ASH1L: variants seen among roughly 807,000 people sequenced by gnomAD.
The protein encoded by ASH1L is ASH1 like histone lysine methyltransferase, also known as histone-lysine N-methyltransferase ASH1L.
In ASH1L, 23 loss-of-function variants were observed where a neutral mutation model predicts 269.0. The ratio of observed to expected loss-of-function variants is 0.09; its 90% CI spans 0.06 to 0.12. The LOEUF (loss-of-function observed/expected upper bound fraction) is 0.12, where lower values mean the gene tolerates loss of function less well. Ranked by LOEUF, ASH1L falls within the 10% of genes least tolerant of loss-of-function variation. The probability of loss-of-function intolerance (pLI) is 1.00; values close to 1 mark genes in which losing one functional copy is unlikely to be tolerated. For synonymous variants in ASH1L, 1,187 were observed against 1,253.5 expected (o/e 0.95, Z 1.12); for missense variants, 2,912 against 3,567.8 (o/e 0.82, Z 4.68).
At chr1:155,468,281 AT>A (rs1382356660) in intron 3 of ASH1L, among the ~76,000 whole-genome samples, 3 of 150,448 alleles carry the variant, frequency 2.0e-5, no homozygotes, top group African/African-American at 7.3e-5. Context: ...AGTACATGAT[AT>A]CACCATGCCT....
chr1:155,370,676 G>C (rs750867647), intron 11 of ASH1L, 26 bp from the exon 12 acceptor site: 1 of 1,612,834 alleles, frequency 6.2e-7, no homozygotes, highest in Non-Finnish European at 8.5e-7. Flanking sequence ...ATGATTGAAA[G>C]ACAATTAAAG....
At position 155,424,645 on chromosome 1, in the gene ASH1L, G is replaced by A. The variant is rs547372241; in HGVS notation, c.5829-8722C>T. ...TGGTCTCCAACTCCCAACCTCAGGT[G>A]ATCCGCCTGCCTTGGCCTCCCAAAG... On this transcript the variant is annotated intron_variant, in intron 5 of 27. Transcript: ENST00000392403. 3.3e-3 allele frequency among the ~76,000 whole-genome samples: 499 copies of A among 152,138 alleles called. 3 individuals carry two copies. Among genetic ancestry groups the A allele is most frequent in the African/African-American group, 0.012 (482 of 41,518 alleles).
At chr1:155,453,281 G>A (rs1433517115) in intron 4 of ASH1L, among the ~76,000 whole-genome samples, 1 of 152,152 alleles carries the variant, frequency 6.6e-6, no homozygotes, top group Non-Finnish European at 1.5e-5. Flanking sequence ...CTTGAACCCG[G>A]GAGGCAAAGG....
chr1:155,532,895 A>G (rs1045499982), intron 1 of ASH1L, among the ~76,000 whole-genome samples: 3 of 142,058 alleles, frequency 2.1e-5, no homozygotes, highest in Non-Finnish European at 4.5e-5. Context: ...ATATATATGT[A>G]TGTATGTATA....
At chr1:155,562,098 T>C in intron 1 of ASH1L, 55 bp downstream of exon 1, 2 of 1,176,860 alleles carry the variant, frequency 1.7e-6, no homozygotes, top group Non-Finnish European at 2.4e-6. Flanking sequence ...AGCCCAGGAT[T>C]CAATCGCTGA....
intron 12 of ASH1L, 37 bp from the exon 13 acceptor site, chr1:155,360,446 A>ATTTTT: frequency 1.8e-6 from 2 of 1,123,964 alleles, no homozygotes; most frequent in Non-Finnish European, 2.6e-6. Context: ...AAGGCTGGAA[A>ATTTTT]TTTTTTTTTT....
chr1:155,361,902 C>T (rs960252970), intron 12 of ASH1L, among the ~76,000 whole-genome samples: 2 of 150,102 alleles, frequency 1.3e-5, no homozygotes, highest in East Asian at 3.9e-4. Flanking sequence ...AGGCTTAGTT[C>T]ACTTATTAAA....
At chr1:155,390,972 G>A (rs2148473672) in intron 7 of ASH1L, among the ~76,000 whole-genome samples, 1 of 150,330 alleles carries the variant, frequency 6.7e-6, no homozygotes, top group South Asian at 2.1e-4. Flanking sequence ...TTGAGACGGA[G>A]TCTTGCTCTG....
At chr1:155,386,983 C>A (rs1371308721) in intron 7 of ASH1L, among the ~76,000 whole-genome samples, 4 of 143,740 alleles carry the variant, frequency 2.8e-5, no homozygotes, top group African/African-American at 7.6e-5. Flanking sequence ...ACAATTAAGT[C>A]TTTTTTTTTT....
chr1:155,346,081 G>T (rs1219492071), intron 21 of ASH1L: 3 of 1,064,486 alleles, frequency 2.8e-6, no homozygotes, highest in African/African-American at 1.6e-5. Flanking sequence ...CAATCCATCC[G>T]CCTTAGCCTC....
chr1:155,510,275 G>A (rs181307866), intron 2 of ASH1L, among the ~76,000 whole-genome samples: 4 of 151,644 alleles, frequency 2.6e-5, no homozygotes, highest in South Asian at 4.2e-4. Flanking sequence ...TTACCCAGGC[G>A]TGGTGGTGCA....
At chr1:155,419,532 G>A (rs1418666649) in intron 5 of ASH1L, 1 of 152,092 alleles carries the variant, frequency 6.6e-6, no homozygotes, top group Non-Finnish European at 1.5e-5. Flanking sequence ...AAATAATACA[G>A]GTGATTCTTG....
rs760442302 is a variant in ASH1L at position 155,395,584 on chromosome 1, AG to A, written c.6009-32del. 4.4e-5 allele frequency: 68 copies of A among 1,554,686 alleles called. No homozygotes were observed. In the South Asian group the frequency reaches 6.9e-4, roughly 16 times the overall value. ...ATAAAAAAAGAATGGGAAACAGTCAAGAGGCAAAGAAATTTCCTCCTGTGGT... is the reference window on the plus strand; with the variant it reads ...ATAAAAAAAGAATGGGAAACAGTCAAAGGCAAAGAAATTTCCTCCTGTGGT... On this transcript the variant is annotated intron_variant, in intron 6 of 27. Transcript: ENST00000392403.
chr1:155,349,555 G>A lies in ASH1L; in HGVS notation c.7408C>T (p.Pro2470Ser), dbSNP rs2148343408. Reference sequence around the variant, plus strand: ...ATGTGAACCTACTTTTTCTTTGGGGGAAGGTTCAAAAGTGGAGCTGCCAGT... The same window carrying A: ...ATGTGAACCTACTTTTTCTTTGGGGAAAGGTTCAAAAGTGGAGCTGCCAGT... ...QALAAPLLNL[P>S]PKKKNADYYE... The change falls in exon 18 of 28, where the codon CCC becomes TCC. Residue 2470 changes from proline to serine, a missense_variant. Pro to Ser is a moderately conservative substitution (Grantham distance 74, BLOSUM62 -1). This residue lies in a region of ASH1L where 309 missense variants were observed against 435.1 expected (regional missense o/e 0.71). Coordinates refer to ENST00000392403, the MANE Select transcript of ASH1L (RefSeq NM_018489.3). The A allele has an allele frequency of 6.2e-7, 1 of 1,614,010 alleles. No individual in the cohort carries two copies. Among genetic ancestry groups the A allele is most frequent in the Non-Finnish European group, 8.5e-7 (1 of 1,179,988 alleles).
At chr1:155,378,662 T>C in intron 8 of ASH1L, 114 bp from the exon 9 acceptor site, 1 of 812,916 alleles carries the variant, frequency 1.2e-6, no homozygotes, top group Non-Finnish European at 2.0e-6. Context: ...TCTGGAAATA[T>C]TTACAAGACA....
chr1:155,468,038 G>T (rs1293583605), intron 3 of ASH1L, among the ~76,000 whole-genome samples: 2 of 151,990 alleles, frequency 1.3e-5, no homozygotes, highest in Non-Finnish European at 2.9e-5. Context: ...ACTTTGTTTA[G>T]ATTTAGCCAA....
intron 2 of ASH1L, among the ~76,000 whole-genome samples, chr1:155,503,038 C>T (rs949334804): frequency 3.3e-5 from 5 of 152,182 alleles, no homozygotes; most frequent in African/African-American, 7.2e-5. Context: ...TCAGCATCTG[C>T]TTTTGATCTC....
intron 5 of ASH1L, among the ~76,000 whole-genome samples, chr1:155,431,376 A>G (rs1054643661): frequency 6.6e-6 from 1 of 151,934 alleles, no homozygotes; most frequent in African/African-American, 2.4e-5. Flanking sequence ...TGCAGCCTCA[A>G]CCTCCTGAGT....
At position 155,335,679 on chromosome 1, in the gene ASH1L, T is replaced by G. The variant is rs1652250741; in HGVS notation, c.*1981A>C. Reference sequence around the variant, plus strand: ...TTGATTGTCTAAAAAACATTTCAGTTTTTTTTTAGTCTTTCAACAAAAGAA... The same window carrying G: ...TTGATTGTCTAAAAAACATTTCAGTGTTTTTTTAGTCTTTCAACAAAAGAA... On this transcript the variant is annotated 3_prime_UTR_variant, in exon 28 of 28. Transcript: ENST00000392403. 1 of 152,610 alleles carries G rather than the reference T, an allele frequency of 6.6e-6. No individual in the cohort carries two copies. Among genetic ancestry groups the G allele is most frequent in the African/African-American group, 2.4e-5 (1 of 41,394 alleles). 9.5% of individuals were successfully genotyped at this position (152,610 alleles called of 1,614,324 possible). A position where few individuals can be genotyped will look rare whatever the true frequency, so the allele number is the denominator to read the frequency against.
Sources: gnomAD v4.1 joint callset for allele counts (sites outside exome capture counted in the v4.1 genomes callset) on GRCh38, gnomAD v4.1.1 for gene constraint, gnomAD v4.1.1 regional missense constraint, MANE v1.5 for transcripts, NCBI Gene and HGNC (gene_info 2026-07-23, HGNC 2026-07-21) for gene names.